Variants in HSDL2 observed in about 807,000 individuals in gnomAD.
The protein encoded by HSDL2 is hydroxysteroid dehydrogenase like 2.
A neutral mutation model predicts 46.3 loss-of-function variants in HSDL2; 27 were observed. That is an observed-to-expected ratio of 0.58 (90% CI 0.43 to 0.80). The LOEUF (loss-of-function observed/expected upper bound fraction) is 0.80. HSDL2 is among the 30% of genes least tolerant of loss of function. The pLI is 0.00. For missense variants in HSDL2, 451 were observed against 502.7 expected, an observed-to-expected ratio of 0.90 and a Z score of 0.98; for synonymous variants, 153 against 163.6, an observed-to-expected ratio of 0.94 and a Z score of 0.50.
chr9:112,400,675 A>G (rs560590438), intron 1 of HSDL2, among the ~76,000 whole-genome samples: 1 of 152,318 alleles, frequency 6.6e-6, no homozygotes, highest in African/African-American at 2.4e-5. Context: ...ACTGTTCTGT[A>G]AGCTAGAATT....
At chr9:112,461,612 T>C (rs537807188) in intron 10 of HSDL2, among the ~76,000 whole-genome samples, 6 of 152,380 alleles carry the variant, frequency 3.9e-5, no homozygotes, top group Admixed American at 3.9e-4. Context: ...GCATGATTGC[T>C]ACAGGTTAAG....
intron 1 of HSDL2, among the ~76,000 whole-genome samples, chr9:112,381,983 G>C (rs1051536348): frequency 6.6e-6 from 1 of 152,068 alleles, no homozygotes; most frequent in Non-Finnish European, 1.5e-5. Flanking sequence ...CACGCCTGTA[G>C]TCCCAGCACT....
chr9:112,442,218 G>A (rs1360843749), intron 8 of HSDL2, among the ~76,000 whole-genome samples: 5 of 142,756 alleles, frequency 3.5e-5, no homozygotes, highest in Non-Finnish European at 7.5e-5. Context: ...TCAGTGAGCC[G>A]TGATCGTGCC....
rs1833551264 is a variant in HSDL2 at position 112,470,631 on chromosome 9, G to A, written c.*87G>A. The A allele has an allele frequency of 2.8e-6, 2 of 719,612 alleles. No homozygotes were observed. Among genetic ancestry groups the A allele is most frequent in the Admixed American group, 2.9e-5 (1 of 34,986 alleles). The allele number at this position is 719,612 out of a possible 1,614,324, so 44.6% of individuals were successfully genotyped here. A position where few individuals can be genotyped will look rare whatever the true frequency, so the allele number is the denominator to read the frequency against. On this transcript the variant is annotated 3_prime_UTR_variant, in exon 11 of 11. Coordinates refer to ENST00000398805, the MANE Select transcript of HSDL2 (RefSeq NM_032303.5). ...AAATCTAATGTTTGTTTTCTTTCCT[G>A]TTATATTATAAGGATATGCACGTTT...
intron 4 of HSDL2, among the ~76,000 whole-genome samples, chr9:112,415,523 G>C (rs529777919): frequency 1.3e-5 from 2 of 152,300 alleles, no homozygotes; most frequent in Admixed American, 6.5e-5. Flanking sequence ...ACCCTGGTCT[G>C]TCTGACTTGA....
intron 1 of HSDL2, among the ~76,000 whole-genome samples, chr9:112,383,072 C>CT (rs1831134305): frequency 6.6e-6 from 1 of 150,658 alleles, no homozygotes; most frequent in Non-Finnish European, 1.5e-5. Context: ...CGAGATCTTT[C>CT]TTTCTGTCTT....
rs1444123214 is a variant in HSDL2, at chr9:112,471,756, G to A, written c.*1212G>A. On this transcript the variant is annotated 3_prime_UTR_variant, in exon 11 of 11. Transcript: ENST00000398805. ...CTAATACAGTGGTTTGAGAGGCTGG[G>A]AGGGTTGAGGGGAAGATAAACTTTT... 1 of 152,194 alleles carries A rather than the reference G, an allele frequency of 6.6e-6. No homozygotes were observed. Among genetic ancestry groups the A allele is most frequent in the African/African-American group, 2.4e-5 (1 of 41,450 alleles). The allele number at this position is 152,194 out of a possible 1,614,324, so 9.4% of individuals were successfully genotyped here. A position where few individuals can be genotyped will look rare whatever the true frequency, so the allele number is the denominator to read the frequency against.
rs900886376 is a variant in HSDL2 at position 112,398,427 on chromosome 9, G to A, written c.18-5568G>A. The stretch of plus-strand genomic sequence containing the variant: ...GATATGGTCCTGGGCTGTCCAAGTC[G>A]GGTCCGTGGGAGCTACAAGTACCGG... On this transcript the variant is annotated intron_variant, in intron 1 of 10. Transcript: ENST00000398805. Among the ~76,000 whole-genome samples, 93 of 151,934 alleles carry A rather than the reference G, an allele frequency of 6.1e-4. 1 individual carries two copies. The highest frequency in any genetic ancestry group is 2.1e-3 in the African/African-American group (85 of 41,342).
chr9:112,436,439 T>C (rs1302891228), intron 6 of HSDL2, among the ~76,000 whole-genome samples: 1 of 151,920 alleles, frequency 6.6e-6, no homozygotes, highest in Non-Finnish European at 1.5e-5. Context: ...ATATCTAGAA[T>C]AGCGCCTGAC....
chr9:112,457,758 T>C (rs189978251), intron 9 of HSDL2, among the ~76,000 whole-genome samples: 1 of 152,292 alleles, frequency 6.6e-6, no homozygotes, highest in Admixed American at 6.5e-5. Flanking sequence ...TCCCCACCTT[T>C]TCCTCTTCAT....
At chr9:112,395,675 G>C (rs964405754) in intron 1 of HSDL2, among the ~76,000 whole-genome samples, 51 of 152,232 alleles carry the variant, frequency 3.4e-4, no homozygotes, top group African/African-American at 1.2e-3. Flanking sequence ...CAATTCTTAG[G>C]TATTAAAGGA....
chr9:112,460,017 T>C (rs1344612988), intron 10 of HSDL2, among the ~76,000 whole-genome samples: 1 of 152,208 alleles, frequency 6.6e-6, no homozygotes, highest in Non-Finnish European at 1.5e-5. Flanking sequence ...CATGGCCTAG[T>C]GACCCTGCTT....
At chr9:112,449,088 T>G (rs974789696) in intron 8 of HSDL2, among the ~76,000 whole-genome samples, 25 of 150,946 alleles carry the variant, frequency 1.7e-4, no homozygotes, top group Non-Finnish European at 3.4e-4. Flanking sequence ...CTGTTTTTTT[T>G]TTTTTTTTTT....
chr9:112,427,020 C>T, intron 6 of HSDL2, among the ~76,000 whole-genome samples: 1 of 152,024 alleles, frequency 6.6e-6, no homozygotes, highest in Non-Finnish European at 1.5e-5. Flanking sequence ...TCTAACCTCA[C>T]CAGATTATTA....
At chr9:112,456,002 A>G (rs1189403121) in intron 9 of HSDL2, among the ~76,000 whole-genome samples, 3 of 152,142 alleles carry the variant, frequency 2.0e-5, no homozygotes, top group Non-Finnish European at 4.4e-5. Flanking sequence ...GTGGAGTCTG[A>G]GATTCTGCAT....
At chr9:112,422,110 A>G (rs1158457357) in intron 6 of HSDL2, among the ~76,000 whole-genome samples, 4 of 152,168 alleles carry the variant, frequency 2.6e-5, no homozygotes, top group Admixed American at 1.3e-4. Context: ...AAGTCCCAAA[A>G]TAGATTCAGT....
At chr9:112,399,464 A>G (rs1831537819) in intron 1 of HSDL2, among the ~76,000 whole-genome samples, 1 of 152,204 alleles carries the variant, frequency 6.6e-6, no homozygotes, top group South Asian at 2.1e-4. Flanking sequence ...TAAACAACAG[A>G]AAACAGGGTT....
intron 8 of HSDL2, among the ~76,000 whole-genome samples, chr9:112,450,254 A>ACC (rs751543667): frequency 2.3e-3 from 41 of 17,814 alleles, no homozygotes; most frequent in African/African-American, 0.01. Flanking sequence ...ACATAGCGAG[A>ACC]CCCCCCCCCC....
At chr9:112,467,890 T>A (rs775544684) in intron 10 of HSDL2, among the ~76,000 whole-genome samples, 34 of 152,188 alleles carry the variant, frequency 2.2e-4, no homozygotes, top group Non-Finnish European at 4.4e-4. Flanking sequence ...AACTCTCTCC[T>A]GCACTGAATC....
Sources: allele counts gnomAD v4.1 joint callset (sites outside exome capture counted in the v4.1 genomes callset), GRCh38; gene constraint gnomAD v4.1.1; transcripts MANE v1.5; gene names NCBI Gene and HGNC (gene_info 2026-07-23, HGNC 2026-07-21).